The following SMAD1 variants were observed in gnomAD, a reference collection of about 807,000 sequenced individuals.
SMAD1 encodes MAD, mothers against decapentaplegic homolog 1.
Under a neutral mutation model 41.6 loss-of-function variants are expected in SMAD1, and 6 were observed. The ratio of observed to expected loss-of-function variants is 0.14; its 90% CI spans 0.08 to 0.28. SMAD1 has a LOEUF of 0.28. Ranked by LOEUF, SMAD1 falls within the 10% of genes least tolerant of loss-of-function variation. The pLI is 1.00. For synonymous variants in SMAD1, 206 were observed against 203.2 expected (o/e 1.01, Z -0.12); for missense variants, 379 against 582.6 (o/e 0.65, Z 3.60).
chr4:145,555,381 T>A (rs935099988), intron 6 of SMAD1, among the ~76,000 whole-genome samples: 3 of 152,278 alleles, frequency 2.0e-5, no homozygotes, highest in Non-Finnish European at 4.4e-5. Context: ...AGAGTCGAGA[T>A]GCGGTTTCCA....
chr4:145,529,457 G>A (rs1731209810), intron 2 of SMAD1, among the ~76,000 whole-genome samples: 1 of 152,158 alleles, frequency 6.6e-6, no homozygotes, highest in Admixed American at 6.5e-5. Context: ...GCTGTTAAGG[G>A]CTTGCTATCC....
chr4:145,515,164 GTGTGTGTGTGTGTC>G, intron 2 of SMAD1, 151 bp downstream of exon 2: 1 of 724,916 alleles, frequency 1.4e-6, no homozygotes, highest in East Asian at 2.6e-5. Flanking sequence ...GTGTGTGTGT[GTGTGTGTGTGTGTC>G]TGTGTGAATG....
chr4:145,505,981 C>G (rs1220270981), intron 1 of SMAD1, among the ~76,000 whole-genome samples: 1 of 151,776 alleles, frequency 6.6e-6, no homozygotes, highest in East Asian at 1.9e-4. Context: ...GTAGCTGGGT[C>G]TAAAGGTGTA....
chr4:145,500,593 G>A lies in SMAD1; in HGVS notation c.-176-13845G>A, dbSNP rs886814741. Among the ~76,000 whole-genome samples the A allele has an allele frequency of 6.6e-5, 10 of 152,108 alleles. 1 individual carries two copies. Among genetic ancestry groups the A allele is most frequent in the Non-Finnish European group, 1.0e-4 (7 of 68,034 alleles). The stretch of plus-strand genomic sequence containing the variant: ...ACCACCAGAATGTAGGCCCCACCAA[G>A]GCACAGAAACAGACTTTGAAAAACT... On this transcript the variant is annotated intron_variant, in intron 1 of 6. Transcript: ENST00000302085.
intron 1 of SMAD1, among the ~76,000 whole-genome samples, chr4:145,487,460 A>G (rs868171917): frequency 6.6e-6 from 1 of 152,202 alleles, no homozygotes; most frequent in Non-Finnish European, 1.5e-5. Flanking sequence ...ATTTTAGGAC[A>G]TACTTTGATA....
chr4:145,521,731 C>T (rs145555533), intron 2 of SMAD1, among the ~76,000 whole-genome samples: 1,942 of 152,008 alleles, frequency 0.013, 38 homozygotes, highest in African/African-American at 0.044. Flanking sequence ...CTTGGGGTGA[C>T]GGAAATTTTC....
rs377610507 is a variant in SMAD1, at chr4:145,515,134, C to CTG, written c.400+163_400+164dup. Reference sequence around the variant, plus strand: ...TGTAATTTAAAAATATTTGGGGAAACTGTGTGTGTGTGTGTGTGTGTGTGT... The same window carrying CTG: ...TGTAATTTAAAAATATTTGGGGAAACTGTGTGTGTGTGTGTGTGTGTGTGTGT... On this transcript the variant is annotated intron_variant, in intron 2 of 6. Coordinates refer to ENST00000302085, the MANE Select transcript of SMAD1 (RefSeq NM_005900.3). 0.13 allele frequency: 66,629 copies of CTG among 532,018 alleles called. 2,823 individuals carry two copies. Among genetic ancestry groups the CTG allele is most frequent in the African/African-American group, 0.2 (9,357 of 46,734 alleles). The allele number at this position is 532,018 out of a possible 1,614,324, so 33.0% of individuals were successfully genotyped here. A position where few individuals can be genotyped will look rare whatever the true frequency, so the allele number is the denominator to read the frequency against.
At chr4:145,505,786 G>A (rs1578759366) in intron 1 of SMAD1, among the ~76,000 whole-genome samples, 2 of 151,904 alleles carry the variant, frequency 1.3e-5, no homozygotes, top group Non-Finnish European at 2.9e-5. Flanking sequence ...CTGGAAATAC[G>A]CACTTAGGTG....
chr4:145,534,805 A>G (rs1420317387), intron 2 of SMAD1, among the ~76,000 whole-genome samples: 1 of 152,246 alleles, frequency 6.6e-6, no homozygotes, highest in East Asian at 1.9e-4. Context: ...CTTTATATGC[A>G]CTAGAAGTAT....
At chr4:145,529,607 T>C (rs1400903839) in intron 2 of SMAD1, among the ~76,000 whole-genome samples, 1 of 152,244 alleles carries the variant, frequency 6.6e-6, no homozygotes, top group Non-Finnish European at 1.5e-5. Flanking sequence ...AAATTTTCTG[T>C]AAGCTTACTA....
intron 2 of SMAD1, chr4:145,525,881 AT>A (rs1730992135): frequency 6.6e-6 from 1 of 152,344 alleles, no homozygotes; most frequent in East Asian, 1.9e-4. Context: ...TTAAATCAAG[AT>A]TTAGGTCAAC....
chr4:145,507,949 G>C (rs568118874), intron 1 of SMAD1, among the ~76,000 whole-genome samples: 1 of 152,066 alleles, frequency 6.6e-6, no homozygotes, highest in Non-Finnish European at 1.5e-5. Flanking sequence ...TTAGTCATCA[G>C]CCTGCATTTT....
intron 1 of SMAD1, among the ~76,000 whole-genome samples, chr4:145,512,468 C>T (rs1730137189): frequency 6.6e-6 from 1 of 151,884 alleles, no homozygotes; most frequent in Non-Finnish European, 1.5e-5. Flanking sequence ...CATTTTTTAC[C>T]AGTCTTCCTG....
intron 5 of SMAD1, among the ~76,000 whole-genome samples, chr4:145,553,423 A>C (rs1269298483): frequency 6.6e-6 from 1 of 152,104 alleles, no homozygotes; most frequent in African/African-American, 2.4e-5. Context: ...TCAGATCATC[A>C]GGCATTAGAT....
At chr4:145,515,664 A>G (rs116827361) in intron 2 of SMAD1, among the ~76,000 whole-genome samples, 1,780 of 152,342 alleles carry the variant, frequency 0.012, 32 homozygotes, top group African/African-American at 0.039. Flanking sequence ...GGTAAAGGAT[A>G]TATTTTAAAA....
chr4:145,483,286 T>C (rs1388269070), intron 1 of SMAD1: 2 of 152,212 alleles, frequency 1.3e-5, no homozygotes, highest in African/African-American at 2.4e-5. Flanking sequence ...ATGATTTCTG[T>C]TATTTCTTCC....
intron 2 of SMAD1, among the ~76,000 whole-genome samples, chr4:145,534,895 TA>T (rs753594968): frequency 1.3e-5 from 2 of 152,088 alleles, no homozygotes; most frequent in Admixed American, 6.6e-5. Context: ...AATAAAATAA[TA>T]TGTTGATAAA....
At chr4:145,495,705 T>C (rs960594032) in intron 1 of SMAD1, among the ~76,000 whole-genome samples, 15 of 149,336 alleles carry the variant, frequency 1.0e-4, no homozygotes, top group African/African-American at 3.7e-4. Context: ...AACTTCGAAC[T>C]CTTGGGCCTA....
At chr4:145,528,107 A>AT (rs751680168) in intron 2 of SMAD1, among the ~76,000 whole-genome samples, 118 of 133,744 alleles carry the variant, frequency 8.8e-4, no homozygotes, top group African/African-American at 1.3e-3. Flanking sequence ...ACACACATAT[A>AT]TTTTTTTTTT....
Sources: allele counts gnomAD v4.1 joint callset (sites outside exome capture counted in the v4.1 genomes callset), GRCh38; gene constraint gnomAD v4.1.1; transcripts MANE v1.5; gene names NCBI Gene and HGNC (gene_info 2026-07-23, HGNC 2026-07-21).